NLGN1: variants seen among roughly 807,000 people sequenced by gnomAD.
The protein encoded by NLGN1 is neuroligin-1.
In NLGN1, 12 loss-of-function variants were observed where a neutral mutation model predicts 65.5. That is an observed-to-expected ratio of 0.18 (90% CI 0.12 to 0.30). The LOEUF is 0.30. Among genes scored for constraint, NLGN1 ranks in the 10% least tolerant of loss-of-function variants. NLGN1 has a pLI of 1.00. For missense variants in NLGN1, 750 were observed against 1,007.1 expected, an observed-to-expected ratio of 0.74 and a Z score of 3.46; for synonymous variants, 350 against 359.5, an observed-to-expected ratio of 0.97 and a Z score of 0.30.
chr3:173,949,474 T>A (rs1747785794), intron 4 of NLGN1, among the ~76,000 whole-genome samples: 1 of 152,136 alleles, frequency 6.6e-6, no homozygotes, highest in Non-Finnish European at 1.5e-5. Context: ...TCAGAAAAAT[T>A]CCCCTAATAG....
At chr3:173,444,627 A>C (rs2148812637) in intron 2 of NLGN1, among the ~76,000 whole-genome samples, 1 of 152,346 alleles carries the variant, frequency 6.6e-6, no homozygotes, top group East Asian at 1.9e-4. Context: ...TTCTCAAAAA[A>C]GCTAAAACTT....
intron 3 of NLGN1, among the ~76,000 whole-genome samples, chr3:173,656,360 T>C (rs1760033122): frequency 1.3e-5 from 2 of 152,164 alleles, no homozygotes; most frequent in Non-Finnish European, 2.9e-5. Context: ...TCCTGAATTC[T>C]GAAAAGCATC....
At chr3:174,180,842 A>C (rs1182006287) in intron 4 of NLGN1, 1 of 152,118 alleles carries the variant, frequency 6.6e-6, no homozygotes, top group African/African-American at 2.4e-5. Context: ...AATGCATGAA[A>C]AATGAGGTAC....
At chr3:173,814,999 C>A (rs1321195295) in intron 4 of NLGN1, among the ~76,000 whole-genome samples, 4 of 151,650 alleles carry the variant, frequency 2.6e-5, no homozygotes. Context: ...CTTTTCTTTT[C>A]TCTTCTCTTT....
intron 4 of NLGN1, among the ~76,000 whole-genome samples, chr3:174,023,865 G>A (rs2152461194): frequency 6.6e-6 from 1 of 152,234 alleles, no homozygotes; most frequent in African/African-American, 2.4e-5. Flanking sequence ...TATGTGCAGG[G>A]CAGACTGATC....
intron 4 of NLGN1, among the ~76,000 whole-genome samples, chr3:174,263,154 A>T (rs1221954652): frequency 6.6e-6 from 1 of 150,530 alleles, no homozygotes; most frequent in Admixed American, 6.6e-5. Flanking sequence ...AAAAAAATGT[A>T]TATTCTGTTG....
At chr3:173,855,403 T>C (rs1459569953) in intron 4 of NLGN1, among the ~76,000 whole-genome samples, 1 of 152,092 alleles carries the variant, frequency 6.6e-6, no homozygotes, top group Admixed American at 6.6e-5. Context: ...TCTATTTTGG[T>C]CAATTAACTA....
intron 4 of NLGN1, among the ~76,000 whole-genome samples, chr3:174,159,419 C>T (rs1202547491): frequency 6.6e-6 from 1 of 151,604 alleles, no homozygotes; most frequent in African/African-American, 2.4e-5. Flanking sequence ...GTATAATATT[C>T]TAAGTGTCAT....
At chr3:173,436,128 C>T (rs1360195679) in intron 2 of NLGN1, among the ~76,000 whole-genome samples, 2 of 152,140 alleles carry the variant, frequency 1.3e-5, no homozygotes, top group East Asian at 3.8e-4. Flanking sequence ...CTGAGTGAAC[C>T]CAGCACTTGT....
chr3:173,937,075 C>A (rs1025374191), intron 4 of NLGN1, among the ~76,000 whole-genome samples: 2 of 151,986 alleles, frequency 1.3e-5, no homozygotes, highest in Admixed American at 6.6e-5. Context: ...TTTCCTTCTT[C>A]CATCCCCCTC....
At chr3:174,268,921 G>GTTGT (rs1434250796) in intron 4 of NLGN1, among the ~76,000 whole-genome samples, 2 of 150,560 alleles carry the variant, frequency 1.3e-5, no homozygotes, top group African/African-American at 4.9e-5. Flanking sequence ...ATACCATCAA[G>GTTGT]TTGTTTGATG....
chr3:173,524,678 C>T (rs546535687), intron 2 of NLGN1, among the ~76,000 whole-genome samples: 1 of 152,268 alleles, frequency 6.6e-6, no homozygotes, highest in East Asian at 1.9e-4. Flanking sequence ...TTTGCCCATT[C>T]ATTATGATGT....
At chr3:174,178,477 C>G (rs1729834487) in intron 4 of NLGN1, among the ~76,000 whole-genome samples, 2 of 152,074 alleles carry the variant, frequency 1.3e-5, no homozygotes, top group Non-Finnish European at 2.9e-5. Context: ...AATCTTAGAA[C>G]AAATGCAAAT....
At chr3:174,092,674 T>C (rs564998219) in intron 4 of NLGN1, among the ~76,000 whole-genome samples, 5 of 152,240 alleles carry the variant, frequency 3.3e-5, no homozygotes. Flanking sequence ...AGCAGGGAAA[T>C]TGGGTCTCTA....
At chr3:173,456,088 A>G (rs1283270525) in intron 2 of NLGN1, among the ~76,000 whole-genome samples, 1 of 152,160 alleles carries the variant, frequency 6.6e-6, no homozygotes, top group African/African-American at 2.4e-5. Context: ...CATCAATTCA[A>G]ATGCTAATCT....
At chr3:173,722,241 CTTTTTT>C (rs58327862) in intron 3 of NLGN1, among the ~76,000 whole-genome samples, 9 of 100,112 alleles carry the variant, frequency 9.0e-5, no homozygotes, top group Admixed American at 1.2e-4. Context: ...TCTTCTTCTT[CTTTTTT>C]TTTTTTTTTT....
At chr3:173,806,908 T>C (rs11923678) in intron 3 of NLGN1, among the ~76,000 whole-genome samples, 2,398 of 152,182 alleles carry the variant, frequency 0.016, 75 homozygotes, top group African/African-American at 0.055. Context: ...TGATAAAACA[T>C]AGAGCCAAAG....
intron 4 of NLGN1, among the ~76,000 whole-genome samples, chr3:174,085,690 T>G (rs2152557256): frequency 6.8e-6 from 1 of 146,632 alleles, no homozygotes; most frequent in South Asian, 2.1e-4. Flanking sequence ...TATGTTTTTC[T>G]TCTTTAAATT....
chr3:173,685,886 C>T, intron 3 of NLGN1: 4 of 775,458 alleles, frequency 5.2e-6, no homozygotes, highest in Non-Finnish European at 6.3e-6. Context: ...AAAATTAATA[C>T]TTCTTTCACT....
Sources: allele counts gnomAD v4.1 joint callset (sites outside exome capture counted in the v4.1 genomes callset), GRCh38; gene constraint gnomAD v4.1.1; transcripts MANE v1.5; gene names NCBI Gene and HGNC (gene_info 2026-07-23, HGNC 2026-07-21).